ZNF721: variants seen among roughly 807,000 people sequenced by gnomAD.
The protein encoded by ZNF721 is zinc finger protein 721.
Under a neutral mutation model 2.4 loss-of-function variants are expected in ZNF721, and 2 were observed. That is an observed-to-expected ratio of 0.82 (90% CI 0.34 to 2.58). The LOEUF (loss-of-function observed/expected upper bound fraction) is 2.58. Among genes scored for constraint, ZNF721 ranks in the 30% most tolerant of loss-of-function variants. The pLI, the probability that ZNF721 is intolerant of heterozygous loss-of-function variation, is 0.11. For synonymous variants in ZNF721, 398 were observed against 381.8 expected (o/e 1.04, Z -0.50); for missense variants, 1,187 against 1,085.5 (o/e 1.09, Z -1.31).
At chr4:495,928 G>C (rs1360113752) in intron 1 of ZNF721, among the ~76,000 whole-genome samples, 2 of 152,052 alleles carry the variant, frequency 1.3e-5, no homozygotes, top group Admixed American at 1.3e-4. Context: ...TAACCATTGA[G>C]CTCCTTTAAA....
At chr4:450,130 T>C (rs1553864693) in intron 2 of ZNF721, among the ~76,000 whole-genome samples, 1 of 152,234 alleles carries the variant, frequency 6.6e-6, no homozygotes, top group Non-Finnish European at 1.5e-5. Flanking sequence ...CTATTTTTAA[T>C]TTTTTAATTA....
chr4:479,311 C>A (rs1384033411), intron 1 of ZNF721, among the ~76,000 whole-genome samples: 1 of 152,108 alleles, frequency 6.6e-6, no homozygotes, highest in African/African-American at 2.4e-5. Flanking sequence ...AGCAGCCAGC[C>A]CTGCCTGCCC....
rs576109760 is a variant in ZNF721 at position 472,127 on chromosome 4, A to T, written c.34+448T>A. On this transcript the variant is annotated intron_variant, in intron 2 of 2. Coordinates refer to ENST00000511833, the MANE Select transcript of ZNF721 (RefSeq NM_133474.4). ...TCCCAGACAGGAGTTCAATGGCGCA[A>T]TCTCGGCTCACTGCAACCTCTGCCT... Among the ~76,000 whole-genome samples, 5 of 152,330 alleles carry T rather than the reference A, an allele frequency of 3.3e-5. No homozygotes were observed. In the East Asian group the frequency reaches 9.6e-4, roughly 29 times the overall value.
chr4:472,948 C>T (rs1302160044), intron 1 of ZNF721, among the ~76,000 whole-genome samples: 1 of 152,024 alleles, frequency 6.6e-6, no homozygotes, highest in East Asian at 1.9e-4. Context: ...AGAGTAGGCC[C>T]TGTGACCTCC....
intron 1 of ZNF721, among the ~76,000 whole-genome samples, chr4:480,725 G>A (rs1553869321): frequency 6.7e-6 from 1 of 149,790 alleles, no homozygotes; most frequent in East Asian, 2.0e-4. Flanking sequence ...TGCATAATTT[G>A]CTTTCGGAAG....
At chr4:465,418 C>T (rs1715212763) in intron 2 of ZNF721, among the ~76,000 whole-genome samples, 1 of 147,840 alleles carries the variant, frequency 6.8e-6, no homozygotes, top group Non-Finnish European at 1.5e-5. Context: ...TTATCTTAAG[C>T]TAGGCTTTTG....
chr4:456,786 GA>G (rs2108699305), intron 2 of ZNF721, among the ~76,000 whole-genome samples: 1 of 152,306 alleles, frequency 6.6e-6, no homozygotes, highest in South Asian at 2.1e-4. Flanking sequence ...GCCTGAGGCA[GA>G]AGAATCACTT....
intron 1 of ZNF721, among the ~76,000 whole-genome samples, chr4:489,358 C>A (rs1379050941): frequency 2.0e-5 from 3 of 152,232 alleles, no homozygotes; most frequent in East Asian, 1.9e-4. Context: ...TCCCCTCTTA[C>A]TGCTGAGAGG....
rs1016552350 is a variant in ZNF721, at chr4:443,772, T to C, written c.695A>G (p.His232Arg). 1 of 1,613,932 alleles carries C rather than the reference T, an allele frequency of 6.2e-7. No homozygotes were observed. Among genetic ancestry groups the C allele is most frequent in the Non-Finnish European group, 8.5e-7 (1 of 1,180,002 alleles). ...CTCATGTTTATTCAGGTGTGAGGAA[T>C]GCATAAAGGCTTTCCCACATTCTTT... ...KCKECGKAFM[H>R]SSHLNKHEKI... The change falls in exon 3 of 3, where the codon CAT (histidine) becomes CGT (arginine). Residue 232 changes from histidine (H) to arginine (R), a missense_variant. Physicochemically the swap from His to Arg is conservative, Grantham distance 29. Coordinates refer to ENST00000511833, the MANE Select transcript of ZNF721 (RefSeq NM_133474.4).
At chr4:474,260 G>A (rs1236670633) in intron 1 of ZNF721, 3 of 350,960 alleles carry the variant, frequency 8.5e-6, no homozygotes, top group Admixed American at 3.9e-5. Context: ...ACGCCCTCAG[G>A]CTTTGAATGA....
Position 443,384 on chromosome 4 carries a change from G to C in ZNF721, c.1083C>G (p.Tyr361Ter), listed in dbSNP as rs1553863632. The C allele has an allele frequency of 6.2e-7, 1 of 1,614,096 alleles. No homozygotes were observed. The highest frequency in any genetic ancestry group is 2.2e-5 in the East Asian group (1 of 44,862). ...HRRIHTGEKP[Y>*]KCEDCGKAFG... ...AGGCTTTGCCACAGTCTTCGCATTTGTAAGGTTTCTCTCCAGTATGAATTC... is the reference window on the plus strand; with the variant it reads ...AGGCTTTGCCACAGTCTTCGCATTTCTAAGGTTTCTCTCCAGTATGAATTC... Residue 361 changes from tyrosine (Y) to a stop codon, truncating the protein, a stop_gained, in exon 3 of 3, where the codon TAC becomes TAG. Coordinates refer to ENST00000511833, the MANE Select transcript of ZNF721 (RefSeq NM_133474.4). LOFTEE classifies it low-confidence loss of function (END_TRUNC).
chr4:470,545 C>T (rs113288558), intron 2 of ZNF721, among the ~76,000 whole-genome samples: 1 of 152,014 alleles, frequency 6.6e-6, no homozygotes. Context: ...GAAACCCCAT[C>T]TCTACTAAAA....
intron 2 of ZNF721, among the ~76,000 whole-genome samples, chr4:446,381 CT>C (rs1358256623): frequency 0.19 from 25,504 of 134,798 alleles, 1,958 homozygotes; most frequent in African/African-American, 0.31. Flanking sequence ...AGGAAGTTTT[CT>C]TTTTTTTTTT....
Position 460,894 on chromosome 4 carries a change from C to T in ZNF721, c.34+11681G>A, listed in dbSNP as rs376274854. Among the ~76,000 whole-genome samples the T allele has an allele frequency of 2.1e-3, 322 of 152,178 alleles. 12 individuals are homozygous for T. The South Asian group carries it at 0.065, about 31-fold the overall frequency. Reference sequence around the variant, plus strand: ...CACATACACCCTCCCAAGACTTAACCAGGAAGAAGTTGAACCCCTGAATAG... The same window carrying T: ...CACATACACCCTCCCAAGACTTAACTAGGAAGAAGTTGAACCCCTGAATAG... On this transcript the variant is annotated intron_variant, in intron 2 of 2. Transcript: ENST00000511833.
At chr4:478,670 C>T (rs944129456) in intron 1 of ZNF721, among the ~76,000 whole-genome samples, 24 of 152,128 alleles carry the variant, frequency 1.6e-4, no homozygotes, top group Non-Finnish European at 2.4e-4. Flanking sequence ...TGGAATAATA[C>T]TGTTTATGAA....
intron 1 of ZNF721, among the ~76,000 whole-genome samples, chr4:489,555 C>T (rs1187788945): frequency 1.3e-5 from 2 of 152,138 alleles, no homozygotes; most frequent in Admixed American, 1.3e-4. Flanking sequence ...CCTGCTCTCT[C>T]TAGGGGCACT....
intron 2 of ZNF721, among the ~76,000 whole-genome samples, chr4:461,802 G>A (rs1329164322): frequency 6.6e-6 from 1 of 152,194 alleles, no homozygotes; most frequent in Non-Finnish European, 1.5e-5. Context: ...GAACCCAGGA[G>A]ATGGAGGTTG....
In ZNF721 at chr4:486,182, C is replaced by T. The variant is rs562142172; in HGVS notation, c.-94+12874G>A. On this transcript the variant is annotated intron_variant, in intron 1 of 2. Coordinates refer to ENST00000511833, the MANE Select transcript of ZNF721 (RefSeq NM_133474.4). ...TTTCTTTTCTTTTTTTTTTTTGAGA[C>T]GGAGTCTCGCTCTGTCGCCCAGGCT... 2.3e-4 allele frequency among the ~76,000 whole-genome samples: 31 copies of T among 134,854 alleles called. 1 individual carries two copies. Among genetic ancestry groups the T allele is most frequent in the African/African-American group, 8.2e-4 (31 of 37,844 alleles). The allele number at this position is 134,854 out of a possible 152,430, so 88.5% of individuals were successfully genotyped here.
chr4:442,146 A>G lies in ZNF721; in HGVS notation c.2321T>C (p.Ile774Thr). 6.2e-7 allele frequency: 1 copy of G among 1,613,414 alleles called. No homozygotes were observed. The highest frequency in any genetic ancestry group is 1.7e-5 in the Admixed American group (1 of 59,908). Residue 774 changes from isoleucine (I) to threonine (T), a missense_variant, in exon 3 of 3, where the codon ATT becomes ACT. Transcript: ENST00000511833. ...QSSHLNRHEKIHTGKKPYKCK... is the reference protein window; with the variant it reads ...QSSHLNRHEKTHTGKKPYKCK... ...TTTGTAGGGTTTCTTTCCAGTATGA[A>G]TTTTCTCATGTCTATTCAGGTGTGA...
Sources: gnomAD v4.1 joint callset for allele counts (sites outside exome capture counted in the v4.1 genomes callset) on GRCh38, gnomAD v4.1.1 for gene constraint, MANE v1.5 for transcripts, NCBI Gene and HGNC (gene_info 2026-07-23, HGNC 2026-07-21) for gene names.